Variants in MED23 observed in about 807,000 individuals in gnomAD.
The protein encoded by MED23 is mediator complex subunit 23.
MED23 carries 105 observed loss-of-function variants against 163.9 expected under a neutral mutation model. That is an observed-to-expected ratio of 0.64 (90% CI 0.55 to 0.75). MED23 has a LOEUF of 0.75. Among genes scored for constraint, MED23 ranks in the 30% least tolerant of loss-of-function variants. The pLI is 0.00. For missense variants in MED23, 1,054 were observed against 1,649.0 expected (o/e 0.64, Z 6.25); for synonymous variants, 561 against 565.6 (o/e 0.99, Z 0.12).
intron 23 of MED23, 137 bp from the exon 24 acceptor site, chr6:131,593,308 G>C: frequency 9.5e-7 from 1 of 1,054,446 alleles, no homozygotes; most frequent in Non-Finnish European, 1.4e-6. Flanking sequence ...AAATGAGTTT[G>C]ACATGATTGA....
chr6:131,582,814 G>GAC (rs75155115), downstream of MED23: 76,468 of 910,478 alleles, frequency 0.084, 2,043 homozygotes, highest in Middle Eastern at 0.17. Context: ...TAAACATCAA[G>GAC]ACACACACAC....
At chr6:131,577,273 T>C (rs1280635712) in intron 30 of MED23, among the ~76,000 whole-genome samples, 3 of 152,190 alleles carry the variant, frequency 2.0e-5, no homozygotes, top group Non-Finnish European at 4.4e-5. Flanking sequence ...GGTCAGGATG[T>C]GGAGAAACTG....
Position 131,593,170 on chromosome 6 carries a change from C to A in MED23, c.3234G>T (p.Thr1078=). The A allele has an allele frequency of 1.9e-6, 3 of 1,614,092 alleles. No homozygotes were observed. The highest frequency in any genetic ancestry group is 2.2e-5 in the South Asian group (2 of 91,082). The part of the protein sequence containing the change: ...YCRLIGRLVD[T]MAGKSPGPFP... ...AGGGACCAGGAGATTTGCCAGCCATCGGTGCACACAGTTAAAGCAATAACA... is the reference window on the plus strand; with the variant it reads ...AGGGACCAGGAGATTTGCCAGCCATAGGTGCACACAGTTAAAGCAATAACA... The change falls in exon 24 of 29, where the codon ACG becomes ACT. Residue 1078 remains threonine, a splice_region_variant and synonymous_variant. Transcript: ENST00000368068.
intron 10 of MED23, among the ~76,000 whole-genome samples, chr6:131,614,086 G>C (rs548932077): frequency 5.8e-4 from 89 of 152,264 alleles, no homozygotes; most frequent in Non-Finnish European, 1.1e-3. Context: ...TTCAATGAAA[G>C]TTGATCAGAA....
chr6:131,596,389 G>A, intron 21 of MED23, 129 bp downstream of exon 21: 6 of 1,111,106 alleles, frequency 5.4e-6, no homozygotes, highest in Non-Finnish European at 8.1e-6. Context: ...GAAGTTCAGA[G>A]AGCTAACTTA....
intron 17 of MED23, among the ~76,000 whole-genome samples, chr6:131,600,529 T>C (rs1775390138): frequency 6.6e-6 from 1 of 152,246 alleles, no homozygotes; most frequent in South Asian, 2.1e-4. Flanking sequence ...GATATCTTTT[T>C]TGGTGAGTGA....
At chr6:131,616,418 T>C (rs1192261629) in intron 9 of MED23, among the ~76,000 whole-genome samples, 1 of 152,224 alleles carries the variant, frequency 6.6e-6, no homozygotes, top group South Asian at 2.1e-4. Flanking sequence ...GAAGCATCAT[T>C]AATAATATCT....
chr6:131,596,552 T>C lies in MED23; in HGVS notation c.2744A>G (p.Asn915Ser). 5 of 1,614,210 alleles carry C rather than the reference T, an allele frequency of 3.1e-6. No individual in the cohort carries two copies. Among genetic ancestry groups the C allele is most frequent in the Non-Finnish European group, 4.2e-6 (5 of 1,180,016 alleles). Reference sequence around the variant, plus strand: ...ATTCATGTGCTTGGTGTGCCAGTCATTCTGTAACCAGTGCTCTGGGGAATT... The same window carrying C: ...ATTCATGTGCTTGGTGTGCCAGTCACTCTGTAACCAGTGCTCTGGGGAATT... Reference protein sequence around the residue: ...KENSPEHWLQNDWHTKHMNYH... With the variant: ...KENSPEHWLQSDWHTKHMNYH... Residue 915 changes from asparagine to serine, a missense_variant, in exon 21 of 29, where the codon AAT becomes AGT. Asn to Ser is a conservative substitution (Grantham distance 46). Around this residue, in one of 11 missense-constraint regions of MED23, gnomAD observed 228 missense variants for 461.3 expected, o/e 0.49. Coordinates refer to ENST00000368068, the MANE Select transcript of MED23 (RefSeq NM_004830.4).
chr6:131,623,429 A>G lies in MED23; in HGVS notation c.318T>C (p.Thr106=). 3 of 1,614,152 alleles carry G rather than the reference A, an allele frequency of 1.9e-6. No individual in the cohort carries two copies. Among genetic ancestry groups the G allele is most frequent in the Non-Finnish European group, 2.5e-6 (3 of 1,180,026 alleles). The stretch of plus-strand genomic sequence containing the variant: ...AAAGCTGTGTTCTTTCCCACTCAAG[A>G]GTGTCAGAGTTTATCAGGGATTCAC... The part of the protein sequence containing the change: ...LVCESLINSD[T]LEWERTQLWA... The change falls in exon 5 of 29, where the codon ACT becomes ACC. Residue 106 remains threonine (T), a synonymous_variant. Coordinates refer to ENST00000368068, the MANE Select transcript of MED23 (RefSeq NM_004830.4).
At chr6:131,581,877 A>G (rs1338957718), downstream of MED23, among the ~76,000 whole-genome samples, 1 of 152,228 alleles carries the variant, frequency 6.6e-6, no homozygotes, top group Non-Finnish European at 1.5e-5. Context: ...AGAAGCACCT[A>G]TCTAAATCAT....
intron 9 of MED23, among the ~76,000 whole-genome samples, chr6:131,617,428 T>C (rs867549042): frequency 1.5e-4 from 23 of 151,420 alleles, no homozygotes; most frequent in South Asian, 4.1e-4. Flanking sequence ...GTAACTATGA[T>C]GTAAAAACCT....
chr6:131,592,511 A>G (rs769416511), intron 24 of MED23, 51 bp from the exon 25 acceptor site: 1 of 1,455,134 alleles, frequency 6.9e-7, no homozygotes, highest in South Asian at 1.1e-5. Context: ...AACATTTTAG[A>G]TGGCTGACAA....
chr6:131,615,696 C>T, intron 10 of MED23: 2 of 626,842 alleles, frequency 3.2e-6, no homozygotes, highest in Non-Finnish European at 5.6e-6. Context: ...CAAAATAAAC[C>T]AACTTTAAAA....
intron 26 of MED23, among the ~76,000 whole-genome samples, 190 bp from the exon 27 acceptor site, chr6:131,590,632 T>A (rs1774537058): frequency 6.6e-6 from 1 of 152,232 alleles, no homozygotes. Context: ...ATTATTTTTA[T>A]TTATTTATTT....
rs563536185 is a variant in MED23, at chr6:131,622,694, A to C, written c.396+657T>G. On this transcript the variant is annotated intron_variant, in intron 5 of 28. Transcript: ENST00000368068. ...TAATTAGCAAAAGCTTCTTAGAGTT[A>C]ACTGTGTGATAAATCATGATTTAAA... Among the ~76,000 whole-genome samples the C allele has an allele frequency of 7.9e-5, 12 of 152,368 alleles. No homozygotes were observed. The South Asian group carries it at 2.3e-3, about 29-fold the overall frequency.
chr6:131,595,692 T>C (rs1294170683), intron 22 of MED23, among the ~76,000 whole-genome samples: 2 of 152,198 alleles, frequency 1.3e-5, no homozygotes, highest in African/African-American at 2.4e-5. Context: ...GTCCAAATCC[T>C]ACCCATCCAA....
chr6:131,627,689 A>C lies in MED23; in HGVS notation c.40-17T>G, dbSNP rs1562412905. On this transcript the variant is annotated splice_polypyrimidine_tract_variant and intron_variant, in intron 1 of 28. Transcript: ENST00000368068. Reference sequence around the variant, plus strand: ...TTCCGTTTTCTGTAAAAAAAAAAAAAACAAAATGTAAACAATGTTAATTTT... The same window carrying C: ...TTCCGTTTTCTGTAAAAAAAAAAAACACAAAATGTAAACAATGTTAATTTT... 1.3e-6 allele frequency: 2 copies of C among 1,598,794 alleles called. No homozygotes were observed. The highest frequency in any genetic ancestry group is 8.5e-7 in the Non-Finnish European group (1 of 1,172,394).
chr6:131,606,658 GAAGA>G, intron 12 of MED23, 34 bp from the exon 13 acceptor site: 1 of 1,488,872 alleles, frequency 6.7e-7, no homozygotes, highest in Non-Finnish European at 9.3e-7. Context: ...TAACACAATA[GAAGA>G]AAGAGAAGAA....
exon 31 of MED23, chr6:131,573,996 T>C: frequency 2.1e-6 from 1 of 466,318 alleles, no homozygotes; most frequent in Non-Finnish European, 3.9e-6. Context: ...TTAATGGATT[T>C]ATGAAACCCC....
Sources: gnomAD v4.1 joint callset for allele counts (sites outside exome capture counted in the v4.1 genomes callset) on GRCh38, gnomAD v4.1.1 for gene constraint, gnomAD v4.1.1 regional missense constraint, MANE v1.5 for transcripts, NCBI Gene and HGNC (gene_info 2026-07-23, HGNC 2026-07-21) for gene names.